The following FAAH2 variants were observed in gnomAD, a reference collection of about 807,000 sequenced individuals.
FAAH2 encodes the protein fatty-acid amide hydrolase 2.
In FAAH2, 60 loss-of-function variants were observed where a neutral mutation model predicts 36.9. The observed-to-expected ratio is 1.63, with a 90% CI of 1.32 to 2.02. The LOEUF (loss-of-function observed/expected upper bound fraction) is 2.02. Among genes scored for constraint, FAAH2 ranks in the 30% most tolerant of loss-of-function variants. The pLI is 0.00. For synonymous variants in FAAH2, 214 were observed against 143.8 expected (o/e 1.49, Z -3.49); for missense variants, 689 against 397.5 (o/e 1.73, Z -6.23).
the FAAH2 span, among the ~76,000 whole-genome samples, chrX:57,165,723 AAAG>A: frequency 9.0e-6 from 1 of 111,208 alleles, no homozygotes; most frequent in African/African-American, 3.3e-5. Context: ...AAAAGAAAAA[AAAG>A]AAATTCATAT....
intron 8 of FAAH2, among the ~76,000 whole-genome samples, chrX:57,443,596 C>T (rs375067817): frequency 6.7e-4 from 74 of 110,931 alleles, no homozygotes; most frequent in African/African-American, 1.6e-3. Context: ...GATTGTCGGA[C>T]GCCTTCTTCT....
the FAAH2 span, among the ~76,000 whole-genome samples, chrX:57,149,750 T>G: frequency 9.0e-6 from 1 of 111,648 alleles, no homozygotes; most frequent in Admixed American, 9.5e-5. Context: ...TTTTTTTGTC[T>G]CTATTTGCTT....
intron 7 of FAAH2, among the ~76,000 whole-genome samples, chrX:57,388,311 C>G (rs765429536): frequency 9.0e-6 from 1 of 111,220 alleles, no homozygotes; most frequent in East Asian, 2.8e-4. Context: ...GTCTGTAATT[C>G]TTTCTAAGTC....
intron 10 of FAAH2, among the ~76,000 whole-genome samples, chrX:57,477,234 T>C (rs989940820): frequency 9.0e-6 from 1 of 111,046 alleles, no homozygotes; most frequent in Admixed American, 9.7e-5. Context: ...ATTTGTTTTT[T>C]AATTTTTAAT....
chrX:57,461,997 A>G (rs1420647847), intron 10 of FAAH2, among the ~76,000 whole-genome samples: 1 of 109,964 alleles, frequency 9.1e-6, no homozygotes, highest in Non-Finnish European at 1.9e-5. Flanking sequence ...AATACAAACT[A>G]CCATCAGAGA....
intron 8 of FAAH2, among the ~76,000 whole-genome samples, chrX:57,444,592 G>T (rs1398333088): frequency 9.0e-6 from 1 of 111,067 alleles, no homozygotes; most frequent in Non-Finnish European, 1.9e-5. Flanking sequence ...TCTGTGGGCT[G>T]CACCCTCTGT....
intron 7 of FAAH2, chrX:57,381,426 A>G: frequency 4.1e-6 from 1 of 242,755 alleles, no homozygotes; most frequent in Non-Finnish European, 5.9e-6. Context: ...AGATGAAATA[A>G]TAGCACAAAT....
At chrX:57,455,685 G>A (rs753998326) in intron 10 of FAAH2, among the ~76,000 whole-genome samples, 2 of 111,740 alleles carry the variant, frequency 1.8e-5, no homozygotes, top group South Asian at 7.4e-4. Context: ...TTTTAAACCA[G>A]CAACGGTCAT....
At chrX:57,431,347 A>T (rs991053362) in intron 7 of FAAH2, among the ~76,000 whole-genome samples, 1 of 111,622 alleles carries the variant, frequency 9.0e-6, no homozygotes, top group Admixed American at 9.5e-5. Context: ...ATTTCGCTGC[A>T]TGTAATCTCT....
chrX:57,304,373 C>T (rs1410543373), intron 2 of FAAH2, among the ~76,000 whole-genome samples: 1 of 111,980 alleles, frequency 8.9e-6, no homozygotes, highest in Non-Finnish European at 1.9e-5. Context: ...TATGTTAGCT[C>T]TAGAATTGAT....
chrX:57,299,710 T>C (rs1452536758), intron 2 of FAAH2, among the ~76,000 whole-genome samples: 3 of 111,415 alleles, frequency 2.7e-5, no homozygotes, highest in Non-Finnish European at 5.7e-5. Flanking sequence ...GAAAACCCCA[T>C]CATCTCAGCC....
At chrX:57,385,547 G>A (rs2054997240) in intron 7 of FAAH2, among the ~76,000 whole-genome samples, 1 of 111,603 alleles carries the variant, frequency 9.0e-6, no homozygotes, top group Admixed American at 9.5e-5. Context: ...CAGCTGCTAA[G>A]GCTGCATAAA....
chrX:57,167,296 G>A, the FAAH2 span, among the ~76,000 whole-genome samples: 1 of 111,929 alleles, frequency 8.9e-6, no homozygotes, highest in African/African-American at 3.2e-5. Context: ...GACCATCCCA[G>A]TGTGTCTTGA....
At chrX:57,425,038 A>G (rs1350713249) in intron 7 of FAAH2, among the ~76,000 whole-genome samples, 1 of 63,457 alleles carries the variant, frequency 1.6e-5, no homozygotes, top group Admixed American at 1.6e-4. Context: ...AGATATTAAA[A>G]AACAAAAAAA....
chrX:57,453,491 G>T (rs766955062), intron 10 of FAAH2, among the ~76,000 whole-genome samples: 2 of 111,020 alleles, frequency 1.8e-5, no homozygotes, highest in East Asian at 2.9e-4. Flanking sequence ...CTGCAGGATA[G>T]GTGATTCCAC....
At position 57,341,304 on chromosome X, in the gene FAAH2, C is replaced by G. The variant is rs374743678; in HGVS notation, c.656C>G (p.Ser219Ter). The change falls in exon 5 of 11, where the codon TCA becomes TGA. Residue 219 changes from serine to a stop codon, truncating the protein, a stop_gained. Coordinates refer to ENST00000374900, the MANE Select transcript of FAAH2 (RefSeq NM_174912.4). LOFTEE classifies it high-confidence loss of function. ...GEGCTLAAAC[S>*]VIGVGSDIGG... ...GGCTGCACACTGGCAGCTGCCTGCT[C>G]AGTTATTGGTGTGGGCTCTGATATT... is the stretch of plus-strand genomic sequence containing the variant. The G allele has an allele frequency of 4.1e-6, 5 of 1,207,506 alleles. No individual in the cohort carries two copies. In the African/African-American group the frequency reaches 8.8e-5, roughly 21 times the overall value.
chrX:57,340,758 G>A (rs774848116), intron 4 of FAAH2, among the ~76,000 whole-genome samples: 2 of 110,826 alleles, frequency 1.8e-5, no homozygotes, highest in Non-Finnish European at 3.8e-5. Context: ...AGAACACATA[G>A]ACACATGGTG....
At chrX:57,444,732 A>G in intron 8 of FAAH2, among the ~76,000 whole-genome samples, 1 of 111,850 alleles carries the variant, frequency 8.9e-6, no homozygotes, top group African/African-American at 3.3e-5. Context: ...CCTCGAGCCT[A>G]CAACCTGTCT....
chrX:57,349,058 A>AATAT lies in FAAH2; in HGVS notation c.742+7679_742+7682dup, dbSNP rs35894721. 1.3e-3 allele frequency among the ~76,000 whole-genome samples: 117 copies of AATAT among 89,546 alleles called. 1 individual carries two copies. The highest frequency in any genetic ancestry group is 3.8e-3 in the African/African-American group (95 of 25,063). The allele number at this position is 89,546 out of a possible 115,157, so 77.8% of individuals were successfully genotyped here. A position where few individuals can be genotyped will look rare whatever the true frequency, so the allele number is the denominator to read the frequency against. On this transcript the variant is annotated intron_variant, in intron 5 of 10. Transcript: ENST00000374900. ...AAAACAAATCAGTGTATAAATGAGA[A>AATAT]ATATATATATATATTATATATACAC... is the stretch of plus-strand genomic sequence containing the variant.
Sources: gnomAD v4.1 joint callset for allele counts (sites outside exome capture counted in the v4.1 genomes callset) on GRCh38, gnomAD v4.1.1 for gene constraint, MANE v1.5 for transcripts, NCBI Gene and HGNC (gene_info 2026-07-23, HGNC 2026-07-21) for gene names.